The following USP35 variants were observed in gnomAD, a reference collection of about 807,000 sequenced individuals.
USP35 encodes ubiquitin specific peptidase 35, also known as ubiquitin carboxyl-terminal hydrolase 35.
A neutral mutation model predicts 83.8 loss-of-function variants in USP35; 69 were observed. The observed-to-expected ratio is 0.82, with a 90% confidence interval of 0.68 to 1.01. The LOEUF is 1.01. Among genes scored for constraint, USP35 ranks in the 50% least tolerant of loss-of-function variants. USP35 has a pLI of 0.00. For missense variants in USP35, 1,503 were observed against 1,362.5 expected (o/e 1.10, Z -1.62); for synonymous variants, 714 against 589.5 (o/e 1.21, Z -3.06).
the USP35 span, chr11:78,221,747 C>A: frequency 6.2e-7 from 1 of 1,613,440 alleles, no homozygotes; most frequent in Non-Finnish European, 8.5e-7. Context: ...GATGGGGCGG[C>A]AGTACTGGGA....
chr11:78,235,342 T>C, the USP35 span, among the ~76,000 whole-genome samples: 1 of 151,880 alleles, frequency 6.6e-6, no homozygotes, highest in Non-Finnish European at 1.5e-5. Context: ...TGAGTAGAGA[T>C]GGGGTTTCAC....
the USP35 span, among the ~76,000 whole-genome samples, chr11:78,228,171 G>A: frequency 0.053 from 8,044 of 152,174 alleles, 336 homozygotes; most frequent in Non-Finnish European, 0.076. Flanking sequence ...ATCTGGCCCC[G>A]ATGCTCTACA....
chr11:78,220,331 G>A, the USP35 span: 1 of 1,612,526 alleles, frequency 6.2e-7, no homozygotes, highest in Non-Finnish European at 8.5e-7. Context: ...TGCGGTGGGG[G>A]CTTGGGGAGC....
At chr11:78,230,626 C>T in the USP35 span, among the ~76,000 whole-genome samples, 2 of 152,244 alleles carry the variant, frequency 1.3e-5, no homozygotes, top group African/African-American at 2.4e-5. Context: ...TATCCTGTAC[C>T]CTGGCATAGT....
chr11:78,196,848 G>C lies in USP35; in HGVS notation c.603G>C (p.Gln201His). 1 of 1,517,958 alleles carries C rather than the reference G, an allele frequency of 6.6e-7. No individual in the cohort carries two copies. The allele number at this position is 1,517,958 out of a possible 1,614,324, so 94.0% of individuals were successfully genotyped here. The change falls in exon 2 of 11, where the codon CAG becomes CAC. Residue 201 changes from glutamine (Q) to histidine (H), a missense_variant. Gln to His is a conservative substitution (Grantham distance 24). Transcript: ENST00000529308. The surrounding 1 kb of genome is among the most constrained non-coding windows in gnomAD (Gnocchi z 4.8). ...QAQQVSGLLA[Q>H]LWRAQPAAIL... ...AGCAGGTGAGCGGGCTCCTGGCGCAGCTGTGGCGCGCACAGCCCGCCGCCA... is the reference window on the plus strand; with the variant it reads ...AGCAGGTGAGCGGGCTCCTGGCGCACCTGTGGCGCGCACAGCCCGCCGCCA...
chr11:78,195,239 G>C lies in USP35; in HGVS notation c.-10-997G>C, dbSNP rs148308924. Among the ~76,000 whole-genome samples, 104 of 152,356 alleles carry C rather than the reference G, an allele frequency of 6.8e-4. No homozygotes were observed. In the East Asian group the frequency reaches 0.019, roughly 28 times the overall value. On this transcript the variant is annotated intron_variant, in intron 1 of 10. Coordinates refer to ENST00000529308, the MANE Select transcript of USP35 (RefSeq NM_020798.4). The stretch of plus-strand genomic sequence containing the variant: ...TTGTAGGAATTAAGGGTGGGGGATG[G>C]ATTCCGGCCTGGAGGACCAGGGCTA...
In USP35 at chr11:78,210,510, G is replaced by C. The variant is rs551487690; in HGVS notation, c.2655G>C (p.Glu885Asp). 1.9e-6 allele frequency: 3 copies of C among 1,613,960 alleles called. No homozygotes were observed. Among genetic ancestry groups the C allele is most frequent in the Non-Finnish European group, 2.5e-6 (3 of 1,179,900 alleles). The change falls in exon 10 of 11, where the codon GAG becomes GAC. Residue 885 changes from glutamate to aspartate, a missense_variant. Physicochemically the swap from Glu to Asp is conservative, Grantham distance 45. Transcript: ENST00000529308. Reference sequence around the variant, plus strand: ...CTCTGGGAACTGCCGATAGGCCAGAGCCCGAGAACCAGTGGTACCTGTTCA... The same window carrying C: ...CTCTGGGAACTGCCGATAGGCCAGACCCCGAGAACCAGTGGTACCTGTTCA... ...AASLGTADRP[E>D]PENQWYLFND...
intron 6 of USP35, among the ~76,000 whole-genome samples, chr11:78,203,876 C>T (rs1863441148): frequency 6.8e-6 from 1 of 147,914 alleles, no homozygotes; most frequent in African/African-American, 2.5e-5. Context: ...CTGTACCCAG[C>T]CCATATTTTT....
At chr11:78,236,373 A>C in the USP35 span, among the ~76,000 whole-genome samples, 5 of 152,148 alleles carry the variant, frequency 3.3e-5, no homozygotes, top group African/African-American at 1.2e-4. Flanking sequence ...CTGGTCTCGA[A>C]CTCTTGAGCT....
rs776527080 is a variant in USP35, at chr11:78,197,946, A to G, written c.684A>G (p.Pro228=). 5 of 1,614,102 alleles carry G rather than the reference A, an allele frequency of 3.1e-6. No individual in the cohort carries two copies. Among genetic ancestry groups the G allele is most frequent in the South Asian group, 1.1e-5 (1 of 91,080 alleles). Residue 228 remains proline (P), a synonymous_variant, in exon 3 of 11, where the codon CCA becomes CCG. Coordinates refer to ENST00000529308, the MANE Select transcript of USP35 (RefSeq NM_020798.4). ...TGTCCCCTGTTCCAGAGGAGGAGCCACCATCTAGCGCCCTGGCCAGCGTGG... is the reference window on the plus strand; with the variant it reads ...TGTCCCCTGTTCCAGAGGAGGAGCCGCCATCTAGCGCCCTGGCCAGCGTGG... ...FAVISCAEEE[P]PSSALASVVQ...
At chr11:78,197,192 G>C (rs1863178626) in intron 2 of USP35, among the ~76,000 whole-genome samples, 1 of 145,626 alleles carries the variant, frequency 6.9e-6, no homozygotes, top group East Asian at 2.3e-4. Flanking sequence ...TGGCCGGAGG[G>C]AGGAACGGGA....
chr11:78,206,320 G>T (rs1000063506), intron 7 of USP35, among the ~76,000 whole-genome samples: 1 of 152,172 alleles, frequency 6.6e-6, no homozygotes, highest in Non-Finnish European at 1.5e-5. Flanking sequence ...TAGAGTCTGT[G>T]GGGGTGGATT....
chr11:78,223,672 C>T, the USP35 span: 1 of 1,597,746 alleles, frequency 6.3e-7, no homozygotes, highest in Non-Finnish European at 8.5e-7. Context: ...AATCATTTTC[C>T]CTGGCTAGGG....
the USP35 span, among the ~76,000 whole-genome samples, chr11:78,226,232 A>G: frequency 6.6e-6 from 1 of 152,230 alleles, no homozygotes; most frequent in Non-Finnish European, 1.5e-5. Context: ...CCATTAGTAG[A>G]ACATTAACTT....
rs1385178840 is a variant in USP35, at chr11:78,196,767, C to T, written c.522C>T (p.Arg174=). The change falls in exon 2 of 11, where the codon CGC becomes CGT. Residue 174 remains arginine (R), a synonymous_variant. Coordinates refer to ENST00000529308, the MANE Select transcript of USP35 (RefSeq NM_020798.4). This position sits in a 1 kb window ranked among gnomAD's most constrained non-coding sequence, Gnocchi z 4.8. The part of the protein sequence containing the change: ...FCQQLVRCLG[R]FRCPAEGEEG... ...AGCAGCTGGTGCGTTGCCTCGGCCG[C>T]TTCCGCTGCCCAGCCGAAGGCGAGG... 70 of 1,533,228 alleles carry T rather than the reference C, an allele frequency of 4.6e-5. No individual in the cohort carries two copies. The East Asian group carries it at 1.7e-3, about 38-fold the overall frequency. The allele number at this position is 1,533,228 out of a possible 1,614,324, so 95.0% of individuals were successfully genotyped here. A position where few individuals can be genotyped will look rare whatever the true frequency, so the allele number is the denominator to read the frequency against.
At chr11:78,222,198 G>T in the USP35 span, 1 of 1,609,458 alleles carries the variant, frequency 6.2e-7, no homozygotes, top group Non-Finnish European at 8.5e-7. Context: ...TGGCTTTGCT[G>T]GAGCAGGAAA....
chr11:78,223,905 A>G, the USP35 span, among the ~76,000 whole-genome samples: 1 of 151,904 alleles, frequency 6.6e-6, no homozygotes, highest in African/African-American at 2.4e-5. Flanking sequence ...ACATGGCAAA[A>G]CCTCCTCTCT....
the USP35 span, among the ~76,000 whole-genome samples, chr11:78,221,445 TGAA>T: frequency 6.6e-6 from 1 of 152,216 alleles, no homozygotes; most frequent in Non-Finnish European, 1.5e-5. Context: ...CCCCTGCTCT[TGAA>T]GACCATGACT....
chr11:78,197,049 C>T (rs1863174537), intron 2 of USP35, 131 bp downstream of exon 2: 4 of 1,356,060 alleles, frequency 2.9e-6, no homozygotes, highest in Non-Finnish European at 3.8e-6. Flanking sequence ...GGCGAATGCT[C>T]AGGTGGAGGG....
Sources: allele counts gnomAD v4.1 joint callset (sites outside exome capture counted in the v4.1 genomes callset), GRCh38; gene constraint gnomAD v4.1.1; non-coding constraint Gnocchi (gnomAD v3.1); transcripts MANE v1.5; gene names NCBI Gene and HGNC (gene_info 2026-07-23, HGNC 2026-07-21).